Variants in CD300LF observed in about 807,000 individuals in gnomAD.
The protein encoded by CD300LF is CMRF35-like molecule 1.
A neutral mutation model predicts 32.2 loss-of-function variants in CD300LF; 27 were observed. The observed-to-expected ratio is 0.84, with a 90% CI of 0.62 to 1.15. CD300LF has a LOEUF of 1.15. Ranked by LOEUF, CD300LF falls within the 50% of genes most tolerant of loss-of-function variation. The pLI is 0.00. For synonymous variants in CD300LF, 139 were observed against 143.2 expected, an observed-to-expected ratio of 0.97 and a Z score of 0.21; for missense variants, 348 against 356.8, an observed-to-expected ratio of 0.98 and a Z score of 0.20.
intron 2 of CD300LF, among the ~76,000 whole-genome samples, chr17:74,703,999 C>T (rs944139131): frequency 6.6e-6 from 1 of 152,220 alleles, no homozygotes; most frequent in African/African-American, 2.4e-5. Flanking sequence ...GGGAATTAGA[C>T]CCCAGCACCC....
intron 1 of CD300LF, among the ~76,000 whole-genome samples, chr17:74,706,256 T>TA (rs1338028427): frequency 8.4e-5 from 11 of 131,202 alleles, no homozygotes; most frequent in African/African-American, 3.2e-4. Context: ...ACTCTAAAAA[T>TA]AAAAAACATT....
Position 74,704,779 on chromosome 17 carries a change from T to G in CD300LF, c.81A>C (p.Thr27=), listed in dbSNP as rs1351952747. 1 of 1,613,960 alleles carries G rather than the reference T, an allele frequency of 6.2e-7. No individual in the cohort carries two copies. Among genetic ancestry groups the G allele is most frequent in the African/African-American group, 1.3e-5 (1 of 74,920 alleles). Reference sequence around the variant, plus strand: ...AGGAGCCCCGCTCCAAGCCATTCACTGTTGTTGGACCGGTGATTTGAGTGA... The same window carrying G: ...AGGAGCCCCGCTCCAAGCCATTCACGGTTGTTGGACCGGTGATTTGAGTGA... ...SIVTQITGPT[T]VNGLERGSLT... Residue 27 remains threonine, a synonymous_variant, in exon 2 of 7, where the codon ACA becomes ACC. Transcript: ENST00000326165.
intron 2 of CD300LF, 195 bp from the exon 3 acceptor site, chr17:74,703,293 G>C: frequency 1.6e-6 from 1 of 616,890 alleles, no homozygotes; most frequent in Non-Finnish European, 2.8e-6. Context: ...TGTCTCCCTG[G>C]TCTCTAGGAG....
rs886775084 is a variant in CD300LF at position 74,699,672 on chromosome 17, C to T, written c.447-1191G>A. 1.5e-4 allele frequency among the ~76,000 whole-genome samples: 23 copies of T among 152,236 alleles called. No individual in the cohort carries two copies. The East Asian group carries it at 3.9e-3, about 26-fold the overall frequency. On this transcript the variant is annotated intron_variant, in intron 3 of 6. Transcript: ENST00000326165. ...CCCAGGGTGGCAACAGCCCTGGTGACACCTTGATTTCCAATTCCTGGCCTC... is the reference window on the plus strand; with the variant it reads ...CCCAGGGTGGCAACAGCCCTGGTGATACCTTGATTTCCAATTCCTGGCCTC...
rs745742828 is a variant in CD300LF at position 74,695,067 on chromosome 17, G to A, written c.*29C>T. 4 of 1,602,796 alleles carry A rather than the reference G, an allele frequency of 2.5e-6. No individual in the cohort carries two copies. The highest frequency in any genetic ancestry group is 2.6e-6 in the Non-Finnish European group (3 of 1,173,944). On this transcript the variant is annotated 3_prime_UTR_variant, in exon 7 of 7. Transcript: ENST00000326165. ...TGAGGCAGGAGTGTGCTCACAGCCT[G>A]GGGTCCAAGAAGGAGCCTGGAGTGC...
chr17:74,710,235 A>G (rs2033847527), intron 1 of CD300LF, among the ~76,000 whole-genome samples: 2 of 152,176 alleles, frequency 1.3e-5, no homozygotes, highest in African/African-American at 4.8e-5. Context: ...TTGGCCTCCC[A>G]AAGTGCTGGG....
chr17:74,695,307 G>A (rs2032329523), intron 6 of CD300LF, 56 bp from the exon 7 acceptor site: 1 of 1,601,720 alleles, frequency 6.2e-7, no homozygotes. Flanking sequence ...ACGGTCACGG[G>A]GCAGAGGAGC....
At chr17:74,699,838 C>G (rs2032873031) in intron 3 of CD300LF, among the ~76,000 whole-genome samples, 1 of 152,054 alleles carries the variant, frequency 6.6e-6, no homozygotes, top group Non-Finnish European at 1.5e-5. Flanking sequence ...ACACCCCTCT[C>G]TTTCTCAAAA....
At chr17:74,710,446 A>G (rs1193017538) in intron 1 of CD300LF, among the ~76,000 whole-genome samples, 1 of 152,256 alleles carries the variant, frequency 6.6e-6, no homozygotes, top group Non-Finnish European at 1.5e-5. Context: ...TGGCTTTCCT[A>G]TAAACTGCTA....
chr17:74,695,640 G>A (rs1035622021), intron 6 of CD300LF, 85 bp downstream of exon 6: 10 of 1,591,432 alleles, frequency 6.3e-6, no homozygotes, highest in South Asian at 5.6e-5. Context: ...ACATGAGCAG[G>A]AGAAAGCCCA....
rs1485893134 is a variant in CD300LF at position 74,703,009 on chromosome 17, C to T, written c.446+26G>A. 5 of 1,590,154 alleles carry T rather than the reference C, an allele frequency of 3.1e-6. No homozygotes were observed. In the Admixed American group the frequency reaches 6.7e-5, roughly 21 times the overall value. On this transcript the variant is annotated intron_variant, in intron 3 of 6. Transcript: ENST00000326165. The stretch of plus-strand genomic sequence containing the variant: ...ATTGGAGGAGTTTGGGCCAAGTAGG[C>T]CACAGTGGAACCAGAGCTGGCTTAC...
chr17:74,711,110 T>C (rs2033931624), intron 1 of CD300LF, among the ~76,000 whole-genome samples: 1 of 152,134 alleles, frequency 6.6e-6, no homozygotes, highest in Non-Finnish European at 1.5e-5. Flanking sequence ...CTTGGGTGTT[T>C]TAAAACGATA....
Position 74,703,054 on chromosome 17 carries a change from C to T in CD300LF, c.427G>A (p.Gly143Ser), listed in dbSNP as rs756999671. 1.2e-5 allele frequency: 20 copies of T among 1,613,738 alleles called. No individual in the cohort carries two copies. In the South Asian group the frequency reaches 1.8e-4, roughly 14 times the overall value. The part of the protein sequence containing the change: ...EETSSSPTLT[G>S]HHLDNRHKLL... ...GCTTACCTGTTGTCCAAGTGGTGGC[C>T]GGTCAGAGTTGGGGAGCTGCTAGTT... is the stretch of plus-strand genomic sequence containing the variant. Residue 143 changes from glycine to serine, a missense_variant, in exon 3 of 7, where the codon GGC (glycine) becomes AGC (serine). Transcript: ENST00000326165.
chr17:74,703,514 A>G (rs1366623775), intron 2 of CD300LF, among the ~76,000 whole-genome samples: 2 of 152,188 alleles, frequency 1.3e-5, no homozygotes, highest in African/African-American at 4.8e-5. Context: ...GGGAACTTGC[A>G]CAGTGACCCT....
At chr17:74,698,747 A>C in intron 3 of CD300LF, 2 of 708,704 alleles carry the variant, frequency 2.8e-6, no homozygotes, top group Non-Finnish European at 4.4e-6. Context: ...AAAAACTACA[A>C]ACTACCTATT....
chr17:74,712,516 C>G (rs1021737196), intron 1 of CD300LF, among the ~76,000 whole-genome samples: 1 of 152,244 alleles, frequency 6.6e-6, no homozygotes, highest in African/African-American at 2.4e-5. Context: ...AGGCAGTCGC[C>G]TGCTCTCCTG....
intron 2 of CD300LF, 48 bp from the exon 3 acceptor site, chr17:74,703,146 G>A: frequency 6.2e-7 from 1 of 1,611,770 alleles, no homozygotes; most frequent in African/African-American, 1.3e-5. Flanking sequence ...AGTCGACGCT[G>A]TAGTTGATGC....
intron 2 of CD300LF, among the ~76,000 whole-genome samples, chr17:74,703,336 C>T (rs931352385): frequency 1.3e-5 from 2 of 152,016 alleles, no homozygotes; most frequent in Non-Finnish European, 2.9e-5. Flanking sequence ...TGGGGCTGGG[C>T]AGGGTCCAGG....
At chr17:74,710,088 C>T (rs2033835634) in intron 1 of CD300LF, among the ~76,000 whole-genome samples, 1 of 152,152 alleles carries the variant, frequency 6.6e-6, no homozygotes, top group Non-Finnish European at 1.5e-5. Context: ...ACGCCATTCT[C>T]CTGCCTCAGC....
Sources: gnomAD v4.1 joint callset for allele counts (sites outside exome capture counted in the v4.1 genomes callset) on GRCh38, gnomAD v4.1.1 for gene constraint, MANE v1.5 for transcripts, NCBI Gene and HGNC (gene_info 2026-07-23, HGNC 2026-07-21) for gene names.